The following EXD1 variants were observed in gnomAD, a reference collection of about 807,000 sequenced individuals.
The protein encoded by EXD1 is exonuclease 3'-5' domain containing 1.
A neutral mutation model predicts 49.1 loss-of-function variants in EXD1; 63 were observed. That is an observed-to-expected ratio of 1.28 (90% confidence interval 1.05 to 1.58). The LOEUF (loss-of-function observed/expected upper bound fraction) is 1.58, where lower values mean the gene tolerates loss of function less well. Among genes scored for constraint, EXD1 ranks in the 40% most tolerant of loss-of-function variants. The pLI is 0.00. For missense variants in EXD1, 748 were observed against 666.0 expected (o/e 1.12, Z -1.36); for synonymous variants, 234 against 239.2 (o/e 0.98, Z 0.20).
At position 41,219,018 on chromosome 15, in the gene EXD1, C is replaced by T. The variant is rs1186445794; in HGVS notation, c.202+812G>A. ...CAGTCCTAAGAGGTCCCAGAGCTCT[C>T]ATTCCTCCACCCCTTCTATCCAGCT... is the stretch of plus-strand genomic sequence containing the variant. On this transcript the variant is annotated intron_variant, in intron 3 of 11. Coordinates refer to ENST00000458580, the MANE Select transcript of EXD1 (RefSeq NM_001286441.2). 2.0e-5 allele frequency among the ~76,000 whole-genome samples: 3 copies of T among 152,278 alleles called. No individual in the cohort carries two copies. The South Asian group carries it at 6.2e-4, about 32-fold the overall frequency.
At chr15:41,201,064 G>C (rs929373758) in intron 7 of EXD1, among the ~76,000 whole-genome samples, 1 of 152,080 alleles carries the variant, frequency 6.6e-6, no homozygotes, top group Non-Finnish European at 1.5e-5. Context: ...AGTAGAGACA[G>C]GGTTTCACCA....
intron 7 of EXD1, among the ~76,000 whole-genome samples, chr15:41,202,169 T>C (rs1423314313): frequency 6.8e-6 from 1 of 146,748 alleles, no homozygotes; most frequent in Non-Finnish European, 1.5e-5. Context: ...TATATATATT[T>C]TTTTTAATTT....
At chr15:41,188,990 G>T (rs111829098) in intron 11 of EXD1, among the ~76,000 whole-genome samples, 13,491 of 151,368 alleles carry the variant, frequency 0.089, 816 homozygotes, top group Non-Finnish European at 0.13. Context: ...TTTTAGTAGA[G>T]ATGGGGTTTC....
At position 41,219,997 on chromosome 15, in the gene EXD1, T is replaced by A. The variant is rs1343249044; in HGVS notation, c.134-99A>T. ...AAATTTCCCAAGTCTGAGTTGTATT[T>A]AAAAAAAAAAAAACTCCAAAAAAAT... is the stretch of plus-strand genomic sequence containing the variant. On this transcript the variant is annotated intron_variant, in intron 2 of 11. Transcript: ENST00000458580. The A allele has an allele frequency of 5.9e-4, 352 of 600,452 alleles. 1 individual carries two copies. Among genetic ancestry groups the A allele is most frequent in the Middle Eastern group, 1.5e-3 (5 of 3,316 alleles). 37.2% of individuals were successfully genotyped at this position (600,452 alleles called of 1,614,324 possible).
intron 7 of EXD1, among the ~76,000 whole-genome samples, chr15:41,198,179 T>G (rs1399285592): frequency 6.6e-6 from 1 of 152,106 alleles, no homozygotes; most frequent in Non-Finnish European, 1.5e-5. Flanking sequence ...GTGTTTTTTG[T>G]GTATTAATGG....
chr15:41,208,408 A>G (rs1595446238), intron 7 of EXD1, among the ~76,000 whole-genome samples: 1 of 146,984 alleles, frequency 6.8e-6, no homozygotes, highest in African/African-American at 2.5e-5. Flanking sequence ...AGGAAGAGGG[A>G]CCCAAAAGCT....
At chr15:41,201,093 C>T (rs999494056) in intron 7 of EXD1, among the ~76,000 whole-genome samples, 6 of 152,012 alleles carry the variant, frequency 3.9e-5, no homozygotes, top group East Asian at 1.9e-4. Context: ...AGGCTGGTCT[C>T]AAGCTCCTAA....
rs2046343014 is a variant in EXD1 at position 41,182,728 on chromosome 15, T to G, written c.*1203A>C. On this transcript the variant is annotated 3_prime_UTR_variant, in exon 12 of 12. Coordinates refer to ENST00000458580, the MANE Select transcript of EXD1 (RefSeq NM_001286441.2). The stretch of plus-strand genomic sequence containing the variant: ...CCCAATTAAGAAAAGTGAGAGATTG[T>G]TTTTTTAAGTAGAGTATGACAAAAC... 6.6e-6 allele frequency: 1 copy of G among 152,184 alleles called. No homozygotes were observed. The highest frequency in any genetic ancestry group is 2.1e-4 in the South Asian group (1 of 4,828). The allele number at this position is 152,184 out of a possible 1,614,324, so 9.4% of individuals were successfully genotyped here.
intron 11 of EXD1, among the ~76,000 whole-genome samples, chr15:41,187,180 G>A (rs569577749): frequency 3.3e-5 from 5 of 149,790 alleles, no homozygotes; most frequent in East Asian, 2.0e-4. Flanking sequence ...CACCACACCC[G>A]GTCTGTCCAA....
rs2046485205 is a variant in EXD1 at position 41,190,125 on chromosome 15, T to C, written c.868A>G (p.Asn290Asp). ...LEKRQKLIQE[N>D]PEVWFIRPVS... ...GGTCGGATGAACCATACTTCTGGATTTTCCTGGAGACAATAAAACAATTTC... is the reference window on the plus strand; with the variant it reads ...GGTCGGATGAACCATACTTCTGGATCTTCCTGGAGACAATAAAACAATTTC... Residue 290 changes from asparagine to aspartate, a missense_variant, in exon 11 of 12, where the codon AAT (asparagine) becomes GAT (aspartate). By Grantham distance (23) the Asn-to-Asp change is conservative. Transcript: ENST00000458580. The C allele has an allele frequency of 3.7e-6, 6 of 1,614,126 alleles. No individual in the cohort carries two copies. The highest frequency in any genetic ancestry group is 2.7e-5 in the African/African-American group (2 of 75,050).
intron 5 of EXD1, among the ~76,000 whole-genome samples, chr15:41,216,086 A>G (rs1052847029): frequency 9.2e-5 from 14 of 152,198 alleles, no homozygotes; most frequent in African/African-American, 3.4e-4. Flanking sequence ...GAGGGATACC[A>G]TATTTCAGAA....
intron 9 of EXD1, among the ~76,000 whole-genome samples, chr15:41,192,751 T>C (rs1424462837): frequency 6.6e-6 from 1 of 150,500 alleles, no homozygotes; most frequent in Non-Finnish European, 1.5e-5. Flanking sequence ...TAGCTAGGAC[T>C]ACAGGCACAT....
At chr15:41,196,507 G>T (rs1325267141) in intron 7 of EXD1, among the ~76,000 whole-genome samples, 1 of 151,922 alleles carries the variant, frequency 6.6e-6, no homozygotes, top group African/African-American at 2.4e-5. Context: ...TAGTAGAGAA[G>T]GGGTTTCACC....
intron 4 of EXD1, 123 bp from the exon 5 acceptor site, chr15:41,216,918 C>T: frequency 7.0e-7 from 1 of 1,433,424 alleles, no homozygotes; most frequent in Non-Finnish European, 9.5e-7. Flanking sequence ...CCCATTCATC[C>T]ACTGCTTACA....
At chr15:41,199,819 AGAT>A (rs1379357691) in intron 7 of EXD1, among the ~76,000 whole-genome samples, 1 of 5,374 alleles carries the variant, frequency 1.9e-4, no homozygotes, top group Non-Finnish European at 4.1e-3. Context: ...TGTCATATAT[AGAT>A]ATATGTCAAT....
intron 6 of EXD1, 149 bp from the exon 7 acceptor site, chr15:41,209,736 G>T: frequency 1.5e-6 from 1 of 658,488 alleles, no homozygotes; most frequent in Non-Finnish European, 2.6e-6. Context: ...AAAACAGTCT[G>T]TTTTACACAT....
intron 7 of EXD1, among the ~76,000 whole-genome samples, chr15:41,208,948 T>C (rs2046877361): frequency 6.6e-6 from 1 of 151,260 alleles, no homozygotes; most frequent in Non-Finnish European, 1.5e-5. Context: ...GAGACAGCAC[T>C]AATGGCTTTA....
chr15:41,195,401 C>T (rs2046592859), intron 9 of EXD1, among the ~76,000 whole-genome samples: 2 of 152,134 alleles, frequency 1.3e-5, no homozygotes, highest in South Asian at 4.1e-4. Context: ...TTAATTGTCA[C>T]ATATGTGGTA....
At position 41,183,251 on chromosome 15, in the gene EXD1, C is replaced by T. The variant is rs2046350038; in HGVS notation, c.*680G>A. On this transcript the variant is annotated 3_prime_UTR_variant, in exon 12 of 12. Coordinates refer to ENST00000458580, the MANE Select transcript of EXD1 (RefSeq NM_001286441.2). ...GTTGCAGTGAGCAGAGATTACACCA[C>T]TACACTCCAGCCTGGGTGACAGAGT... 6.6e-6 allele frequency: 1 copy of T among 152,218 alleles called. No individual in the cohort carries two copies. Among genetic ancestry groups the T allele is most frequent in the African/African-American group, 2.4e-5 (1 of 41,450 alleles). The allele number at this position is 152,218 out of a possible 1,614,324, so 9.4% of individuals were successfully genotyped here. A position where few individuals can be genotyped will look rare whatever the true frequency, so the allele number is the denominator to read the frequency against.
Sources: allele counts gnomAD v4.1 joint callset (sites outside exome capture counted in the v4.1 genomes callset), GRCh38; gene constraint gnomAD v4.1.1; transcripts MANE v1.5; gene names NCBI Gene and HGNC (gene_info 2026-07-23, HGNC 2026-07-21).